Variants in THSD4 observed in about 807,000 individuals in gnomAD.
THSD4 encodes the protein thrombospondin type-1 domain-containing protein 4.
THSD4 carries 69 observed loss-of-function variants against 119.0 expected under a neutral mutation model. The ratio of observed to expected loss-of-function variants is 0.58; its 90% confidence interval spans 0.48 to 0.71. THSD4 has a LOEUF of 0.71. Among genes scored for constraint, THSD4 ranks in the 30% least tolerant of loss-of-function variants. THSD4 has a pLI of 0.00. For missense variants in THSD4, 1,393 were observed against 1,391.1 expected (o/e 1.00, Z -0.02); for synonymous variants, 524 against 540.4 (o/e 0.97, Z 0.42).
chr15:71,238,065 G>A (rs1287915933), intron 4 of THSD4, among the ~76,000 whole-genome samples: 1 of 152,004 alleles, frequency 6.6e-6, no homozygotes, highest in Non-Finnish European at 1.5e-5. Flanking sequence ...TGGTGTGGGG[G>A]CGGGGTGGGG....
At chr15:71,682,920 C>CTTT (rs71154794) in intron 8 of THSD4, among the ~76,000 whole-genome samples, 2 of 53,520 alleles carry the variant, frequency 3.7e-5, no homozygotes, top group African/African-American at 1.2e-4. Flanking sequence ...TCTTCTTCTT[C>CTTT]TTTTTTTTTT....
intron 1 of THSD4, among the ~76,000 whole-genome samples, chr15:71,129,479 G>A (rs1277081706): frequency 3.3e-5 from 5 of 152,138 alleles, no homozygotes; most frequent in Non-Finnish European, 7.4e-5. Flanking sequence ...AGAAAAAGGG[G>A]GATAGTGACA....
chr15:71,137,543 T>C (rs879833903), intron 1 of THSD4, among the ~76,000 whole-genome samples: 3 of 152,220 alleles, frequency 2.0e-5, no homozygotes, highest in Non-Finnish European at 4.4e-5. Context: ...TCTTTCATTC[T>C]TTTTTACTTA....
chr15:71,249,329 T>C (rs1268236473), intron 5 of THSD4, among the ~76,000 whole-genome samples: 3 of 151,798 alleles, frequency 2.0e-5, no homozygotes. Flanking sequence ...TATATGTATA[T>C]ATACACACAC....
At chr15:71,447,751 T>G (rs1309560766) in intron 7 of THSD4, among the ~76,000 whole-genome samples, 1 of 152,196 alleles carries the variant, frequency 6.6e-6, no homozygotes, top group Admixed American at 6.5e-5. Flanking sequence ...AGAGATACTG[T>G]TTTTCTCATG....
In THSD4 at chr15:71,242,875, C is replaced by G. The variant is rs1470647849; in HGVS notation, c.691C>G (p.Pro231Ala). 1 of 1,614,174 alleles carries G rather than the reference C, an allele frequency of 6.2e-7. No individual in the cohort carries two copies. The highest frequency in any genetic ancestry group is 1.7e-5 in the Admixed American group (1 of 60,002). The change falls in exon 5 of 18, where the codon CCT (proline) becomes GCT (alanine). Residue 231 changes from proline to alanine, a missense_variant. Coordinates refer to ENST00000261862, the MANE Select transcript of THSD4 (RefSeq NM_024817.3). ...HGPLYQSDSG[P>A]RSGLQAAEAP... Reference sequence around the variant, plus strand: ...GCCTTTGTACCAAAGTGACAGTGGCCCTCGCTCTGGACTGCAGGCTGCGGA... The same window carrying G: ...GCCTTTGTACCAAAGTGACAGTGGCGCTCGCTCTGGACTGCAGGCTGCGGA...
chr15:71,265,908 A>C (rs1285612295), intron 6 of THSD4, among the ~76,000 whole-genome samples: 2 of 152,140 alleles, frequency 1.3e-5, no homozygotes, highest in Non-Finnish European at 2.9e-5. Flanking sequence ...GCCTCTCTAG[A>C]TTCCTCCTCA....
At chr15:71,199,832 G>GC (rs1461624162) in intron 3 of THSD4, among the ~76,000 whole-genome samples, 30 of 147,484 alleles carry the variant, frequency 2.0e-4, no homozygotes, top group East Asian at 8.0e-4. Context: ...TGTGGGGTGT[G>GC]TGTGTGTGTG....
At chr15:71,643,254 A>G (rs143479171) in intron 7 of THSD4, among the ~76,000 whole-genome samples, 1 of 152,336 alleles carries the variant, frequency 6.6e-6, no homozygotes, top group Non-Finnish European at 1.5e-5. Context: ...ATCCCAACAC[A>G]TAAAACAAAT....
At chr15:71,740,661 A>G (rs1329641032) in intron 11 of THSD4, among the ~76,000 whole-genome samples, 1 of 152,168 alleles carries the variant, frequency 6.6e-6, no homozygotes, top group Non-Finnish European at 1.5e-5. Flanking sequence ...CCCACAACCC[A>G]TCCGCACGCT....
chr15:71,682,876 CTTTCTTTCTTTCTTTCTTTCTTTCTTTCT>C (rs1348124008), intron 8 of THSD4, among the ~76,000 whole-genome samples: 14,779 of 39,510 alleles, frequency 0.37, 2,362 homozygotes, highest in African/African-American at 0.45. Flanking sequence ...TTCTTTCTTT[CTTTCTTTCTTTCTTTCTTTCTTTCTTTCT>C]TTCTTCTTCT....
At chr15:71,541,072 C>T (rs1271127403) in intron 7 of THSD4, among the ~76,000 whole-genome samples, 1 of 152,076 alleles carries the variant, frequency 6.6e-6, no homozygotes, top group Non-Finnish European at 1.5e-5. Context: ...TTTGACAGTT[C>T]AATAAGTATG....
At chr15:71,185,409 T>C (rs1406166435) in intron 3 of THSD4, 2 of 151,850 alleles carry the variant, frequency 1.3e-5, no homozygotes, top group East Asian at 3.9e-4. Context: ...CATTACCTGA[T>C]TTCTCTTTGG....
At chr15:71,298,473 G>C (rs1455776458) in intron 6 of THSD4, among the ~76,000 whole-genome samples, 1 of 152,046 alleles carries the variant, frequency 6.6e-6, no homozygotes, top group South Asian at 2.1e-4. Flanking sequence ...TATGTATACT[G>C]TAAAATTAGC....
intron 7 of THSD4, among the ~76,000 whole-genome samples, chr15:71,639,165 A>G (rs938098725): frequency 7.9e-5 from 12 of 152,234 alleles, no homozygotes; most frequent in African/African-American, 2.9e-4. Flanking sequence ...CCCAAAAAGT[A>G]GAGAAGCCAG....
At chr15:71,286,969 A>T (rs1435965677) in intron 6 of THSD4, among the ~76,000 whole-genome samples, 1 of 152,112 alleles carries the variant, frequency 6.6e-6, no homozygotes, top group Non-Finnish European at 1.5e-5. Flanking sequence ...TTTCACTATA[A>T]CTTTTGCTGA....
At chr15:71,626,531 T>A (rs891740221) in intron 7 of THSD4, among the ~76,000 whole-genome samples, 1 of 152,212 alleles carries the variant, frequency 6.6e-6, no homozygotes, top group African/African-American at 2.4e-5. Flanking sequence ...ACACTAAATA[T>A]GCATTGAACT....
At chr15:71,558,782 TATTTTTAAA>T (rs2049065422) in intron 7 of THSD4, among the ~76,000 whole-genome samples, 1 of 152,216 alleles carries the variant, frequency 6.6e-6, no homozygotes. Flanking sequence ...CAGTTTTAAA[TATTTTTAAA>T]ATTTTTCATT....
At chr15:71,152,838 A>G (rs1199892480) in intron 2 of THSD4, among the ~76,000 whole-genome samples, 1 of 152,042 alleles carries the variant, frequency 6.6e-6, no homozygotes, top group Non-Finnish European at 1.5e-5. Flanking sequence ...CTGACTCCTT[A>G]AGATCCACCT....
Sources: allele counts gnomAD v4.1 joint callset (sites outside exome capture counted in the v4.1 genomes callset), GRCh38; gene constraint gnomAD v4.1.1; transcripts MANE v1.5; gene names NCBI Gene and HGNC (gene_info 2026-07-23, HGNC 2026-07-21).